ISOC1: variants seen among roughly 807,000 people sequenced by gnomAD.
The protein encoded by ISOC1 is isochorismatase domain containing 1, also known as isochorismatase domain-containing protein 1.
Under a neutral mutation model 30.0 loss-of-function variants are expected in ISOC1, and 33 were observed. The ratio of observed to expected loss-of-function variants is 1.10; its 90% confidence interval spans 0.83 to 1.47. The LOEUF (loss-of-function observed/expected upper bound fraction) is 1.47. ISOC1 is among the 40% of genes most tolerant of loss of function. The pLI, the probability that ISOC1 is intolerant of heterozygous loss-of-function variation, is 0.00. For missense variants in ISOC1, 372 were observed against 388.0 expected (o/e 0.96, Z 0.35); for synonymous variants, 178 against 159.8 (o/e 1.11, Z -0.86).
At chr5:129,104,783 C>A (rs1753614670) in intron 1 of ISOC1, among the ~76,000 whole-genome samples, 173 bp from the exon 2 acceptor site, 1 of 149,114 alleles carries the variant, frequency 6.7e-6, no homozygotes, top group African/African-American at 2.5e-5. Flanking sequence ...CAGAGAACAT[C>A]TTTTTGAGTT....
At chr5:129,101,192 A>AAAAAAAAAAAAAAAAAAAAATATAT (rs1554064627) in intron 1 of ISOC1, among the ~76,000 whole-genome samples, 1 of 42,240 alleles carries the variant, frequency 2.4e-5, no homozygotes, top group Non-Finnish European at 3.6e-5. Flanking sequence ...AAAAAAAAAA[A>AAAAAAAAAAAAAAAAAAAAATATAT]ATATATATAT....
chr5:129,097,883 C>T (rs891581156), intron 1 of ISOC1: 1 of 152,516 alleles, frequency 6.6e-6, no homozygotes, highest in Non-Finnish European at 1.5e-5. Context: ...GCTCCTTGTT[C>T]TTTGGAATAA....
Position 129,104,993 on chromosome 5 carries a change from T to A in ISOC1, c.347T>A (p.Val116Glu). The change falls in exon 2 of 5, where the codon GTG becomes GAG. Residue 116 changes from valine to glutamate, a missense_variant. Coordinates refer to ENST00000173527, the MANE Select transcript of ISOC1 (RefSeq NM_016048.2). ...GGAAATCTTACACCTTCAAGCACTG[T>A]GTTTTTCTGCTGTGATATGCAGGAA... is the stretch of plus-strand genomic sequence containing the variant. The part of the protein sequence containing the change: ...TLGNLTPSST[V>E]FFCCDMQERF... The A allele has an allele frequency of 1.2e-6, 2 of 1,613,812 alleles. No individual in the cohort carries two copies. The highest frequency in any genetic ancestry group is 2.2e-5 in the South Asian group (2 of 91,068).
chr5:129,095,339 C>G (rs1298882008), intron 1 of ISOC1, among the ~76,000 whole-genome samples: 1 of 152,234 alleles, frequency 6.6e-6, no homozygotes, highest in Non-Finnish European at 1.5e-5. Flanking sequence ...CGAACGCCCC[C>G]ACGTGTGTGG....
intron 3 of ISOC1, 85 bp from the exon 4 acceptor site, chr5:129,106,857 CTCTG>C (rs1410949908): frequency 1.2e-6 from 1 of 866,748 alleles, no homozygotes; most frequent in African/African-American, 1.7e-5. Flanking sequence ...ATCTGTAGTG[CTCTG>C]TCTGCTTTAT....
At chr5:129,112,535 C>CT (rs1753721158) in intron 4 of ISOC1, among the ~76,000 whole-genome samples, 2 of 152,122 alleles carry the variant, frequency 1.3e-5, no homozygotes, top group African/African-American at 4.8e-5. Context: ...ACAACCATTC[C>CT]TTTTCTCTCT....
In ISOC1 at chr5:129,094,766, C is replaced by G. The variant is rs1753468884; in HGVS notation, c.-1C>G. 2.0e-6 allele frequency: 3 copies of G among 1,493,600 alleles called. No homozygotes were observed. 92.5% of individuals were successfully genotyped at this position (1,493,600 alleles called of 1,614,324 possible). On this transcript the variant is annotated 5_prime_UTR_variant, in exon 1 of 5. Coordinates refer to ENST00000173527, the MANE Select transcript of ISOC1 (RefSeq NM_016048.2). ...CGGAGCTCGCAGACGCTCGGGGGAA[C>G]ATGGCGGCTGCGGAGCCGGCGGTCC...
intron 4 of ISOC1, among the ~76,000 whole-genome samples, chr5:129,111,434 T>C (rs1411147519): frequency 6.6e-6 from 1 of 152,184 alleles, no homozygotes; most frequent in African/African-American, 2.4e-5. Flanking sequence ...ATAAAGAGTC[T>C]GCCAGTGGAA....
chr5:129,098,090 A>G lies in ISOC1; in HGVS notation c.309+3015A>G, dbSNP rs1753528652. On this transcript the variant is annotated intron_variant, in intron 1 of 4. Coordinates refer to ENST00000173527, the MANE Select transcript of ISOC1 (RefSeq NM_016048.2). ...GCCCTGGCTCACGTACTGTTAGTCT[A>G]GAATGTATTCTTCATTTGCGCCGTG... Among the ~76,000 whole-genome samples, 3 of 152,122 alleles carry G rather than the reference A, an allele frequency of 2.0e-5. No individual in the cohort carries two copies. The South Asian group carries it at 6.2e-4, about 32-fold the overall frequency.
At chr5:129,110,236 A>G (rs961009081) in intron 4 of ISOC1, among the ~76,000 whole-genome samples, 2 of 152,088 alleles carry the variant, frequency 1.3e-5, no homozygotes, top group African/African-American at 2.4e-5. Flanking sequence ...TAGTTTTGCA[A>G]GTGTAAGGGG....
At position 129,113,616 on chromosome 5, in the gene ISOC1, T is replaced by C. The variant is rs1183081447; in HGVS notation, c.*615T>C. 1 of 152,210 alleles carries C rather than the reference T, an allele frequency of 6.6e-6. No homozygotes were observed. The highest frequency in any genetic ancestry group is 1.5e-5 in the Non-Finnish European group (1 of 68,042). 9.4% of individuals were successfully genotyped at this position (152,210 alleles called of 1,614,324 possible). A position where few individuals can be genotyped will look rare whatever the true frequency, so the allele number is the denominator to read the frequency against. On this transcript the variant is annotated 3_prime_UTR_variant, in exon 5 of 5. Transcript: ENST00000173527. ...GATTTCTTATTTTGGTCACTATTAC[T>C]AAATCTCTGTTAATATTCTCTCTTT...
intron 4 of ISOC1, among the ~76,000 whole-genome samples, chr5:129,108,517 T>C (rs1431981644): frequency 6.6e-6 from 1 of 152,110 alleles, no homozygotes; most frequent in African/African-American, 2.4e-5. Flanking sequence ...TTTCTTTTTT[T>C]TTTTTTTGAG....
At position 129,094,806 on chromosome 5, in the gene ISOC1, A is replaced by G. The variant is rs1438782957; in HGVS notation, c.40A>G (p.Ser14Gly). The change falls in exon 1 of 5, where the codon AGC (serine) becomes GGC (glycine). Residue 14 changes from serine to glycine, a missense_variant. Physicochemically the swap from Ser to Gly is moderately conservative, Grantham distance 56. Coordinates refer to ENST00000173527, the MANE Select transcript of ISOC1 (RefSeq NM_016048.2). ...GCCGGCGGTCCTTGCGCTCCCCAAC[A>G]GCGGCGCCGGGGGCGCGGGGGCGCC... The part of the protein sequence containing the change: ...AEPAVLALPN[S>G]GAGGAGAPSG... The G allele has an allele frequency of 2.0e-6, 3 of 1,534,444 alleles. No individual in the cohort carries two copies. The highest frequency in any genetic ancestry group is 2.6e-6 in the Non-Finnish European group (3 of 1,144,962).
chr5:129,095,113 G>T (rs376551923), intron 1 of ISOC1, 38 bp downstream of exon 1: 6 of 1,500,602 alleles, frequency 4.0e-6, no homozygotes, highest in East Asian at 5.0e-5. Flanking sequence ...CCCTGTTCCC[G>T]AGTCGTCCCC....
chr5:129,107,020 C>T lies in ISOC1; in HGVS notation c.708C>T (p.Ala236=), dbSNP rs765385747. 1.2e-6 allele frequency: 2 copies of T among 1,613,794 alleles called. No individual in the cohort carries two copies. Among genetic ancestry groups the T allele is most frequent in the Non-Finnish European group, 1.7e-6 (2 of 1,179,804 alleles). ...TCGAGGTTCACATTGTTGCTGATGC[C>T]ACCTCATCAAGAAGCATGATGGACA... is the stretch of plus-strand genomic sequence containing the variant. ...RGVEVHIVAD[A]TSSRSMMDRM... is the part of the protein sequence containing the mutation. Residue 236 remains alanine, a synonymous_variant, in exon 4 of 5, where the codon GCC becomes GCT. Transcript: ENST00000173527.
intron 4 of ISOC1, among the ~76,000 whole-genome samples, chr5:129,108,204 TC>T (rs1012427641): frequency 3.0e-4 from 45 of 152,054 alleles, no homozygotes; most frequent in Admixed American, 1.3e-4. Flanking sequence ...CCTACTGTGT[TC>T]CCCAGGGTGG....
At chr5:129,106,299 A>G (rs749277243) in intron 3 of ISOC1, among the ~76,000 whole-genome samples, 7 of 152,216 alleles carry the variant, frequency 4.6e-5, no homozygotes, top group African/African-American at 7.2e-5. Context: ...CATCATTGAA[A>G]TGTACTTTCA....
In ISOC1 at chr5:129,107,019, C is replaced by T. The variant is rs1265102002; in HGVS notation, c.707C>T (p.Ala236Val). The T allele has an allele frequency of 6.2e-7, 1 of 1,613,612 alleles. No individual in the cohort carries two copies. Among genetic ancestry groups the T allele is most frequent in the African/African-American group, 1.3e-5 (1 of 74,886 alleles). ...RGVEVHIVADATSSRSMMDRM... is the reference protein window; with the variant it reads ...RGVEVHIVADVTSSRSMMDRM... ...GTCGAGGTTCACATTGTTGCTGATGCCACCTCATCAAGAAGCATGATGGAC... is the reference window on the plus strand; with the variant it reads ...GTCGAGGTTCACATTGTTGCTGATGTCACCTCATCAAGAAGCATGATGGAC... Residue 236 changes from alanine (A) to valine (V), a missense_variant, in exon 4 of 5, where the codon GCC becomes GTC. Ala to Val is a moderately conservative substitution (Grantham distance 64). Transcript: ENST00000173527.
At chr5:129,109,197 C>T (rs1297315984) in intron 4 of ISOC1, among the ~76,000 whole-genome samples, 2 of 152,098 alleles carry the variant, frequency 1.3e-5, no homozygotes. Flanking sequence ...TGTAATCTCT[C>T]GGATTAGGAA....
Sources: gnomAD v4.1 joint callset for allele counts (sites outside exome capture counted in the v4.1 genomes callset) on GRCh38, gnomAD v4.1.1 for gene constraint, MANE v1.5 for transcripts, NCBI Gene and HGNC (gene_info 2026-07-23, HGNC 2026-07-21) for gene names.